Variants in UNC5D observed in about 807,000 individuals in gnomAD.
UNC5D encodes the protein netrin receptor UNC5D.
UNC5D carries 39 observed loss-of-function variants against 105.4 expected under a neutral mutation model. The observed-to-expected ratio is 0.37, with a 90% CI of 0.29 to 0.48. The LOEUF (loss-of-function observed/expected upper bound fraction) is 0.48. UNC5D is among the 20% of genes least tolerant of loss of function. UNC5D has a pLI of 0.98. For missense variants in UNC5D, 991 were observed against 1,202.4 expected, an observed-to-expected ratio of 0.82 and a Z score of 2.60; for synonymous variants, 452 against 450.4, an observed-to-expected ratio of 1.00 and a Z score of -0.04.
chr8:35,661,049 G>A (rs887673016), intron 4 of UNC5D, among the ~76,000 whole-genome samples: 1 of 151,868 alleles, frequency 6.6e-6, no homozygotes, highest in Non-Finnish European at 1.5e-5. Context: ...AGTAAGCTAC[G>A]ATCATGCTAC....
chr8:35,252,387 T>G (rs1276829117), intron 1 of UNC5D, among the ~76,000 whole-genome samples: 2 of 152,188 alleles, frequency 1.3e-5, no homozygotes, highest in Non-Finnish European at 2.9e-5. Context: ...TGGTCCTTCT[T>G]AAAAGTAATC....
chr8:35,411,510 A>T (rs532387307), intron 1 of UNC5D, among the ~76,000 whole-genome samples: 2 of 152,164 alleles, frequency 1.3e-5, no homozygotes, highest in South Asian at 4.1e-4. Flanking sequence ...TGCCCAGAAC[A>T]GTGCTCACAC....
chr8:35,511,366 G>A (rs893910086), intron 1 of UNC5D, among the ~76,000 whole-genome samples: 4 of 151,622 alleles, frequency 2.6e-5, no homozygotes, highest in African/African-American at 7.3e-5. Flanking sequence ...TGGTGCAGTG[G>A]TGTGTTTCTA....
At chr8:35,606,381 G>A (rs1563583990) in intron 4 of UNC5D, among the ~76,000 whole-genome samples, 1 of 152,166 alleles carries the variant, frequency 6.6e-6, no homozygotes, top group Non-Finnish European at 1.5e-5. Flanking sequence ...AGGAGAGTCT[G>A]GAGTTTGCAT....
chr8:35,701,242 G>T (rs898165306), intron 7 of UNC5D, among the ~76,000 whole-genome samples: 2 of 152,134 alleles, frequency 1.3e-5, no homozygotes, highest in Non-Finnish European at 2.9e-5. Context: ...CATAGGCCCT[G>T]GTATCAAACA....
intron 1 of UNC5D, chr8:35,525,497 G>C: frequency 3.7e-6 from 6 of 1,612,260 alleles, no homozygotes; most frequent in Non-Finnish European, 5.1e-6. Context: ...TCCGTGCTTT[G>C]CTGGCAAGCT....
chr8:35,596,069 T>G (rs1819475742), intron 4 of UNC5D, among the ~76,000 whole-genome samples: 1 of 152,200 alleles, frequency 6.6e-6, no homozygotes, highest in Non-Finnish European at 1.5e-5. Flanking sequence ...CCAGTGTCAC[T>G]GGTGTTTGTT....
rs150468900 is a variant in UNC5D at position 35,760,493 on chromosome 8, C to T, written c.2313+1024C>T. Among the ~76,000 whole-genome samples the T allele has an allele frequency of 6.1e-4, 93 of 152,164 alleles. No individual in the cohort carries two copies. In the East Asian group the frequency reaches 0.018, roughly 29 times the overall value. ...TTAGTTATTTCAAGTACATGCTTAGCCTTAAAAGATCTCTTAGAAACTTGT... is the reference window on the plus strand; with the variant it reads ...TTAGTTATTTCAAGTACATGCTTAGTCTTAAAAGATCTCTTAGAAACTTGT... On this transcript the variant is annotated intron_variant, in intron 14 of 16. Transcript: ENST00000404895.
intron 4 of UNC5D, among the ~76,000 whole-genome samples, chr8:35,661,524 C>T (rs908829197): frequency 1.3e-5 from 2 of 152,180 alleles, no homozygotes; most frequent in South Asian, 2.1e-4. Flanking sequence ...TGCAATGATT[C>T]GCTTTTCTTC....
chr8:35,745,215 A>G (rs1829943102), intron 11 of UNC5D, among the ~76,000 whole-genome samples: 2 of 152,212 alleles, frequency 1.3e-5, no homozygotes, highest in Non-Finnish European at 2.9e-5. Flanking sequence ...GAATGTTGCA[A>G]TTACCAAGGC....
In UNC5D at chr8:35,748,628, G is replaced by T. The variant is rs772715803; in HGVS notation, c.1868G>T (p.Cys623Phe). The change falls in exon 12 of 17, where the codon TGT becomes TTT. Residue 623 changes from cysteine (C) to phenylalanine (F), a missense_variant. Physicochemically the swap from Cys to Phe is radical, Grantham distance 205. Transcript: ENST00000404895. ...TTPFALTIPHCADVSSEHWNI... is the reference protein window; with the variant it reads ...TTPFALTIPHFADVSSEHWNI... ...CCCTTTGCATTGACCATCCCGCACT[G>T]TGCAGATGTCAGTTCTGAGCATTGG... 6.2e-7 allele frequency: 1 copy of T among 1,614,066 alleles called. No individual in the cohort carries two copies. The highest frequency in any genetic ancestry group is 8.5e-7 in the Non-Finnish European group (1 of 1,179,956).
At chr8:35,624,677 A>T (rs1401006311) in intron 4 of UNC5D, among the ~76,000 whole-genome samples, 1 of 152,210 alleles carries the variant, frequency 6.6e-6, no homozygotes, top group Non-Finnish European at 1.5e-5. Context: ...TGAGTGGCAT[A>T]CTACTTGACA....
chr8:35,516,109 C>T (rs1813077027), intron 1 of UNC5D, among the ~76,000 whole-genome samples: 2 of 152,150 alleles, frequency 1.3e-5, no homozygotes, highest in South Asian at 2.1e-4. Flanking sequence ...ATTGCCTACC[C>T]ATTGTGAGCC....
At chr8:35,375,389 A>G (rs1489259660) in intron 1 of UNC5D, among the ~76,000 whole-genome samples, 1 of 152,198 alleles carries the variant, frequency 6.6e-6, no homozygotes, top group Non-Finnish European at 1.5e-5. Flanking sequence ...AGAGAGAAGA[A>G]AAAGAATGTT....
chr8:35,651,938 A>T (rs758199492), intron 4 of UNC5D, among the ~76,000 whole-genome samples: 1 of 152,184 alleles, frequency 6.6e-6, no homozygotes, highest in Non-Finnish European at 1.5e-5. Flanking sequence ...GGTTTCAGAT[A>T]TGTACAAATG....
At chr8:35,418,296 A>G (rs72634909) in intron 1 of UNC5D, among the ~76,000 whole-genome samples, 109 of 152,284 alleles carry the variant, frequency 7.2e-4, no homozygotes, top group South Asian at 3.7e-3. Context: ...AGCAATTGTT[A>G]TCAGAGACTC....
intron 1 of UNC5D, among the ~76,000 whole-genome samples, chr8:35,243,226 G>T (rs1802901821): frequency 6.6e-6 from 1 of 152,128 alleles, no homozygotes. Context: ...GGAATTCCAT[G>T]TAAGAATATT....
intron 1 of UNC5D, among the ~76,000 whole-genome samples, chr8:35,358,299 A>G (rs1324637057): frequency 6.6e-6 from 1 of 152,204 alleles, no homozygotes; most frequent in Admixed American, 6.5e-5. Context: ...CATATACACC[A>G]TGGGATACTA....
At chr8:35,494,298 CT>C (rs1811406921) in intron 1 of UNC5D, among the ~76,000 whole-genome samples, 2 of 152,168 alleles carry the variant, frequency 1.3e-5, no homozygotes, top group African/African-American at 4.8e-5. Context: ...CAAAATGTTT[CT>C]AAATAACATG....
Sources: gnomAD v4.1 joint callset for allele counts (sites outside exome capture counted in the v4.1 genomes callset) on GRCh38, gnomAD v4.1.1 for gene constraint, MANE v1.5 for transcripts, NCBI Gene and HGNC (gene_info 2026-07-23, HGNC 2026-07-21) for gene names.